The following KLHL28 variants were observed in gnomAD, a reference collection of about 807,000 sequenced individuals.
KLHL28 encodes the protein kelch like family member 28, also known as kelch-like protein 28.
Under a neutral mutation model 48.3 loss-of-function variants are expected in KLHL28, and 22 were observed. The ratio of observed to expected loss-of-function variants is 0.46; its 90% CI spans 0.33 to 0.65. The LOEUF (loss-of-function observed/expected upper bound fraction) is 0.65, where lower values mean the gene tolerates loss of function less well. KLHL28 is among the 30% of genes least tolerant of loss of function. KLHL28 has a pLI of 0.03. For synonymous variants in KLHL28, 243 were observed against 242.4 expected (o/e 1.00, Z -0.02); for missense variants, 527 against 704.3 (o/e 0.75, Z 2.85).
rs557467436 is a variant in KLHL28, at chr14:44,953,277, T to TACC, written c.1-7352_1-7350dup. ...CAGGTAAAACTAGATTTCTGCTACA[T>TACC]ACCTACACCAACAGGATAAATTACA... is the stretch of plus-strand genomic sequence containing the variant. On this transcript the variant is annotated intron_variant, in intron 1 of 4. Transcript: ENST00000396128. Among the ~76,000 whole-genome samples, 43 of 152,340 alleles carry TACC rather than the reference T, an allele frequency of 2.8e-4. 1 individual carries two copies. Among genetic ancestry groups the TACC allele is most frequent in the African/African-American group, 9.4e-4 (39 of 41,588 alleles).
At chr14:44,932,065 T>C (rs1015039831) in intron 3 of KLHL28, among the ~76,000 whole-genome samples, 1 of 151,582 alleles carries the variant, frequency 6.6e-6, no homozygotes, top group Non-Finnish European at 1.5e-5. Context: ...CTCTGTCACC[T>C]AGGCTGGAGT....
Position 44,945,399 on chromosome 14 carries a change from G to C in KLHL28, c.530C>G (p.Thr177Arg). The change falls in exon 2 of 5, where the codon ACA becomes AGA. Residue 177 changes from threonine (T) to arginine (R), a missense_variant. Transcript: ENST00000396128. ...AACAATTTCATCCAAGTCAGCATGT[G>C]TAAGCTCAAAAAACTCTTCAGTCTG... ...VCQTEEFFELTHADLDEIVSN... is the reference protein window; with the variant it reads ...VCQTEEFFELRHADLDEIVSN... 5.6e-6 allele frequency: 9 copies of C among 1,614,140 alleles called. No individual in the cohort carries two copies. Among genetic ancestry groups the C allele is most frequent in the Non-Finnish European group, 7.6e-6 (9 of 1,180,018 alleles).
chr14:44,946,120 T>C (rs774248262), intron 1 of KLHL28, among the ~76,000 whole-genome samples, 192 bp from the exon 2 acceptor site: 9 of 152,168 alleles, frequency 5.9e-5, no homozygotes, highest in African/African-American at 1.9e-4. Context: ...ATCATTCAAC[T>C]TATTTATTAT....
intron 1 of KLHL28, among the ~76,000 whole-genome samples, chr14:44,950,021 C>CA (rs1884510441): frequency 6.6e-6 from 1 of 151,952 alleles, no homozygotes; most frequent in Non-Finnish European, 1.5e-5. Context: ...TCATGTCTTA[C>CA]AGGTAATGGA....
intron 1 of KLHL28, among the ~76,000 whole-genome samples, chr14:44,952,839 G>A (rs1884639919): frequency 6.6e-6 from 1 of 151,616 alleles, no homozygotes; most frequent in South Asian, 2.1e-4. Context: ...TTGTCAAACA[G>A]TTTTACACTG....
At chr14:44,954,578 G>A (rs1884719444) in intron 1 of KLHL28, among the ~76,000 whole-genome samples, 1 of 152,056 alleles carries the variant, frequency 6.6e-6, no homozygotes, top group Non-Finnish European at 1.5e-5. Context: ...AGCAAAGTGT[G>A]TTTAGTGTGT....
chr14:44,957,451 T>C (rs1407941933), intron 1 of KLHL28, among the ~76,000 whole-genome samples: 1 of 152,228 alleles, frequency 6.6e-6, no homozygotes, highest in African/African-American at 2.4e-5. Context: ...GAATGTTTTC[T>C]TAATCTTGGA....
intron 1 of KLHL28, among the ~76,000 whole-genome samples, chr14:44,950,240 G>A (rs1267451452): frequency 6.6e-6 from 1 of 151,884 alleles, no homozygotes; most frequent in Non-Finnish European, 1.5e-5. Context: ...TAAATTCTTC[G>A]AGTTGTCCCT....
intron 1 of KLHL28, chr14:44,961,092 T>A: frequency 4.7e-6 from 2 of 427,462 alleles, no homozygotes; most frequent in Non-Finnish European, 8.4e-6. Context: ...GTATCACTTA[T>A]GAGGAGAAAA....
At position 44,934,469 on chromosome 14, in the gene KLHL28, T is replaced by C. The variant is rs751647943; in HGVS notation, c.989A>G (p.Asp330Gly). 30 of 1,613,930 alleles carry C rather than the reference T, an allele frequency of 1.9e-5. No homozygotes were observed. The highest frequency in any genetic ancestry group is 2.5e-5 in the Non-Finnish European group (29 of 1,179,976). The change falls in exon 3 of 5, where the codon GAC (aspartate) becomes GGC (glycine). Residue 330 changes from aspartate (D) to glycine (G), a missense_variant. Coordinates refer to ENST00000396128, the MANE Select transcript of KLHL28 (RefSeq NM_017658.5). ...PRYEFGICVL[D>G]QKVYVIGGIA... ...ACCACCTATAACATATACTTTTTGGTCTAAAACGCATATTCCAAATTCATA... is the reference window on the plus strand; with the variant it reads ...ACCACCTATAACATATACTTTTTGGCCTAAAACGCATATTCCAAATTCATA...
At chr14:44,960,947 G>GAT in intron 1 of KLHL28, 1 of 1,499,376 alleles carries the variant, frequency 6.7e-7, no homozygotes, top group African/African-American at 1.4e-5. Flanking sequence ...GTCTTCAAAT[G>GAT]ATAACTTAGA....
intron 1 of KLHL28, among the ~76,000 whole-genome samples, chr14:44,949,112 G>C (rs1403429744): frequency 6.6e-6 from 1 of 152,018 alleles, no homozygotes; most frequent in East Asian, 1.9e-4. Flanking sequence ...ATTTAAAAGA[G>C]CCTGCAAATG....
intron 1 of KLHL28, among the ~76,000 whole-genome samples, chr14:44,946,849 C>A (rs752839578): frequency 6.6e-6 from 1 of 152,210 alleles, no homozygotes; most frequent in South Asian, 2.1e-4. Context: ...GGCCACCACA[C>A]CCGGCCTCAA....
intron 2 of KLHL28, among the ~76,000 whole-genome samples, chr14:44,936,299 T>G (rs1444822763): frequency 6.6e-6 from 1 of 152,098 alleles, no homozygotes; most frequent in Non-Finnish European, 1.5e-5. Context: ...TGTGTTTGCA[T>G]GCTGATGGTA....
Position 44,928,784 on chromosome 14 carries a change from T to C in KLHL28, c.*244A>G, listed in dbSNP as rs1594562207. On this transcript the variant is annotated 3_prime_UTR_variant, in exon 5 of 5. Coordinates refer to ENST00000396128, the MANE Select transcript of KLHL28 (RefSeq NM_017658.5). Reference sequence around the variant, plus strand: ...AGTCTTGGGGGAAAAAGTGCAGAATTCAATTGGCAAAGTCTTTACTTTTTT... The same window carrying C: ...AGTCTTGGGGGAAAAAGTGCAGAATCCAATTGGCAAAGTCTTTACTTTTTT... The C allele has an allele frequency of 9.9e-6, 3 of 303,876 alleles. No homozygotes were observed. In the East Asian group the frequency reaches 1.9e-4, roughly 19 times the overall value. 18.8% of individuals were successfully genotyped at this position (303,876 alleles called of 1,614,324 possible). A position where few individuals can be genotyped will look rare whatever the true frequency, so the allele number is the denominator to read the frequency against.
In KLHL28 at chr14:44,959,940, T is replaced by C. The variant is rs149344935; in HGVS notation, c.-1+1906A>G. Among the ~76,000 whole-genome samples the C allele has an allele frequency of 2.4e-4, 36 of 152,148 alleles. No homozygotes were observed. In the East Asian group the frequency reaches 5.8e-3, roughly 24 times the overall value. Reference sequence around the variant, plus strand: ...AGATTAAAAAAAATCTGCTTCGTAATAAAAAGAATACACACTCAATGAATG... The same window carrying C: ...AGATTAAAAAAAATCTGCTTCGTAACAAAAAGAATACACACTCAATGAATG... On this transcript the variant is annotated intron_variant, in intron 1 of 4. Transcript: ENST00000396128.
chr14:44,941,826 C>T (rs1884108627), intron 2 of KLHL28, among the ~76,000 whole-genome samples: 1 of 152,002 alleles, frequency 6.6e-6, no homozygotes, highest in East Asian at 1.9e-4. Flanking sequence ...ACTTGGTTCC[C>T]CTACCGCTAA....
intron 4 of KLHL28, among the ~76,000 whole-genome samples, chr14:44,930,128 C>T (rs1883519885): frequency 6.6e-6 from 1 of 152,150 alleles, no homozygotes. Context: ...GGCTTTCCCT[C>T]TCAAGGATAC....
intron 3 of KLHL28, 78 bp from the exon 4 acceptor site, chr14:44,931,619 A>G: frequency 9.6e-7 from 1 of 1,043,042 alleles, no homozygotes; most frequent in South Asian, 1.5e-5. Flanking sequence ...AAAACCCACT[A>G]CAGCTTTAAA....
Sources: gnomAD v4.1 joint callset for allele counts (sites outside exome capture counted in the v4.1 genomes callset) on GRCh38, gnomAD v4.1.1 for gene constraint, MANE v1.5 for transcripts, NCBI Gene and HGNC (gene_info 2026-07-23, HGNC 2026-07-21) for gene names.